The following VWC2 variants were observed in gnomAD, a reference collection of about 807,000 sequenced individuals.
VWC2 encodes brorin.
VWC2 carries 14 observed loss-of-function variants against 29.8 expected under a neutral mutation model. The ratio of observed to expected loss-of-function variants is 0.47; its 90% confidence interval spans 0.31 to 0.74. VWC2 has a LOEUF of 0.74. Among genes scored for constraint, VWC2 ranks in the 30% least tolerant of loss-of-function variants. VWC2 has a pLI of 0.05. For synonymous variants in VWC2, 213 were observed against 199.0 expected (o/e 1.07, Z -0.59); for missense variants, 457 against 459.8 (o/e 0.99, Z 0.05).
At chr7:49,859,012 C>G (rs574832632) in intron 3 of VWC2, among the ~76,000 whole-genome samples, 12 of 152,286 alleles carry the variant, frequency 7.9e-5, no homozygotes, top group African/African-American at 2.9e-4. Context: ...ATTACTGTTG[C>G]TATCTGATGG....
intron 3 of VWC2, among the ~76,000 whole-genome samples, chr7:49,908,630 GTATAC>G (rs1793234546): frequency 6.6e-6 from 1 of 151,894 alleles, no homozygotes; most frequent in Non-Finnish European, 1.5e-5. Context: ...ACCCCAGTCA[GTATAC>G]TACACGTGAT....
chr7:49,820,311 G>A (rs766632652), intron 3 of VWC2, among the ~76,000 whole-genome samples: 12 of 152,066 alleles, frequency 7.9e-5, no homozygotes, highest in Admixed American at 1.3e-4. Flanking sequence ...GTGGCAGCCC[G>A]CAGTCATTAT....
At chr7:49,865,216 G>A (rs917981745) in intron 3 of VWC2, among the ~76,000 whole-genome samples, 2 of 152,144 alleles carry the variant, frequency 1.3e-5, no homozygotes, top group East Asian at 1.9e-4. Context: ...GTGGTCCGTG[G>A]GGTAGGAGAG....
chr7:49,790,840 C>T (rs112174250), intron 2 of VWC2, among the ~76,000 whole-genome samples: 123 of 151,864 alleles, frequency 8.1e-4, no homozygotes, highest in Middle Eastern at 3.4e-3. Flanking sequence ...TGAACAAGGA[C>T]GGGGGAGAGG....
In VWC2 at chr7:49,916,329, C is replaced by T. The variant is rs1793723449; in HGVS notation, c.*4144C>T. ...TGGTGAGACTTCTGGGCCCTGGGTACCACAGACTATACTCTAAACATGGTC... is the reference window on the plus strand; with the variant it reads ...TGGTGAGACTTCTGGGCCCTGGGTATCACAGACTATACTCTAAACATGGTC... On this transcript the variant is annotated 3_prime_UTR_variant, in exon 4 of 4. Transcript: ENST00000340652. 1 of 152,152 alleles carries T rather than the reference C, an allele frequency of 6.6e-6. No individual in the cohort carries two copies. Among genetic ancestry groups the T allele is most frequent in the African/African-American group, 2.4e-5 (1 of 41,422 alleles). 9.4% of individuals were successfully genotyped at this position (152,152 alleles called of 1,614,324 possible). A position where few individuals can be genotyped will look rare whatever the true frequency, so the allele number is the denominator to read the frequency against.
Position 49,848,721 on chromosome 7 carries a change from T to C in VWC2, c.826+45881T>C, listed in dbSNP as rs767901925. On this transcript the variant is annotated intron_variant, in intron 3 of 3. Coordinates refer to ENST00000340652, the MANE Select transcript of VWC2 (RefSeq NM_198570.5). The stretch of plus-strand genomic sequence containing the variant: ...CAAAGGCAAACACATTTTTGTGTTT[T>C]GTATGAATCATTTCTCTCACAGGTT... Among the ~76,000 whole-genome samples, 23 of 152,370 alleles carry C rather than the reference T, an allele frequency of 1.5e-4. No homozygotes were observed. In the South Asian group the frequency reaches 2.5e-3, roughly 16 times the overall value.
chr7:49,778,790 A>G (rs1788106565), intron 2 of VWC2, among the ~76,000 whole-genome samples: 1 of 152,244 alleles, frequency 6.6e-6, no homozygotes, highest in Non-Finnish European at 1.5e-5. Context: ...TGGGTTTCAG[A>G]GAGAGATTGT....
chr7:49,793,364 C>G (rs531188322), intron 2 of VWC2, among the ~76,000 whole-genome samples: 37 of 151,234 alleles, frequency 2.4e-4, no homozygotes, highest in Non-Finnish European at 4.9e-4. Flanking sequence ...TTGAAGTGTA[C>G]AGATAGAAAC....
chr7:49,854,283 T>A (rs557453356), intron 3 of VWC2, among the ~76,000 whole-genome samples: 23 of 152,300 alleles, frequency 1.5e-4, no homozygotes, highest in African/African-American at 5.5e-4. Flanking sequence ...CCTTGAGGAA[T>A]TGCCACACTC....
chr7:49,777,765 G>C (rs1191973074), intron 2 of VWC2, among the ~76,000 whole-genome samples: 1 of 152,102 alleles, frequency 6.6e-6, no homozygotes, highest in African/African-American at 2.4e-5. Flanking sequence ...TTTGGGTGCA[G>C]AACAAAAGTT....
At chr7:49,819,008 C>T (rs1789209731) in intron 3 of VWC2, among the ~76,000 whole-genome samples, 1 of 152,038 alleles carries the variant, frequency 6.6e-6, no homozygotes, top group South Asian at 2.1e-4. Context: ...GTCCCAAAAC[C>T]CAAACTTCGC....
chr7:49,911,629 G>A (rs1038542538), intron 3 of VWC2, among the ~76,000 whole-genome samples: 23 of 152,142 alleles, frequency 1.5e-4, no homozygotes, highest in Middle Eastern at 3.4e-3. Flanking sequence ...GGGTGCAGTG[G>A]CTCATGCCTG....
chr7:49,824,819 C>T (rs1789355440), intron 3 of VWC2, among the ~76,000 whole-genome samples: 1 of 151,994 alleles, frequency 6.6e-6, no homozygotes, highest in African/African-American at 2.4e-5. Flanking sequence ...ATTTCAATTT[C>T]CAGTTGTTTG....
chr7:49,796,921 C>G (rs942135560), intron 2 of VWC2, among the ~76,000 whole-genome samples: 5 of 152,118 alleles, frequency 3.3e-5, no homozygotes, highest in African/African-American at 1.2e-4. Flanking sequence ...TTTATGTATG[C>G]CACTTGATTT....
At chr7:49,794,748 G>A (rs748249365) in intron 2 of VWC2, among the ~76,000 whole-genome samples, 4 of 151,988 alleles carry the variant, frequency 2.6e-5, no homozygotes, top group African/African-American at 4.8e-5. Context: ...GCACTTCTTC[G>A]TTGTAGTTCA....
At chr7:49,800,520 C>T (rs1273200171) in intron 2 of VWC2, among the ~76,000 whole-genome samples, 1 of 152,138 alleles carries the variant, frequency 6.6e-6, no homozygotes, top group East Asian at 1.9e-4. Context: ...TCCTTGCTGA[C>T]TATCCTGATC....
At chr7:49,857,073 T>C (rs773687743) in intron 3 of VWC2, among the ~76,000 whole-genome samples, 1 of 147,814 alleles carries the variant, frequency 6.8e-6, no homozygotes, top group Non-Finnish European at 1.5e-5. Context: ...TCTTAACAAA[T>C]TTTTAGGTGC....
chr7:49,860,825 A>G (rs1167209698), intron 3 of VWC2, among the ~76,000 whole-genome samples: 2 of 152,220 alleles, frequency 1.3e-5, no homozygotes, highest in East Asian at 1.9e-4. Context: ...GACACCAAGG[A>G]TGTGTGCACA....
intron 3 of VWC2, among the ~76,000 whole-genome samples, chr7:49,903,050 TA>T (rs1792861651): frequency 6.6e-6 from 1 of 152,084 alleles, no homozygotes; most frequent in South Asian, 2.1e-4. Context: ...AAATACAAAT[TA>T]AAACTTGAGA....
Sources: allele counts gnomAD v4.1 joint callset (sites outside exome capture counted in the v4.1 genomes callset), GRCh38; gene constraint gnomAD v4.1.1; transcripts MANE v1.5; gene names NCBI Gene and HGNC (gene_info 2026-07-23, HGNC 2026-07-21).